Variants in SERBP1 observed in about 807,000 individuals in gnomAD.
The protein encoded by SERBP1 is SERPINE1 mRNA-binding protein 1.
SERBP1 carries 6 observed loss-of-function variants against 50.2 expected under a neutral mutation model. That is an observed-to-expected ratio of 0.12 (90% CI 0.07 to 0.24). The LOEUF is 0.24. Among genes scored for constraint, SERBP1 ranks in the 10% least tolerant of loss-of-function variants. SERBP1 has a pLI of 1.00. For missense variants in SERBP1, 346 were observed against 524.9 expected, an observed-to-expected ratio of 0.66 and a Z score of 3.33; for synonymous variants, 168 against 182.8, an observed-to-expected ratio of 0.92 and a Z score of 0.65.
At position 67,408,251 on chromosome 1, in the gene SERBP1, C is replaced by A. The variant is rs147615002; in HGVS notation, c.*4956G>T. The A allele has an allele frequency of 6.6e-6, 1 of 152,090 alleles. No homozygotes were observed. The highest frequency in any genetic ancestry group is 1.5e-5 in the Non-Finnish European group (1 of 68,018). 9.4% of individuals were successfully genotyped at this position (152,090 alleles called of 1,614,324 possible). ...AGATTTCTAAAAGTCCATAATGAAT[C>A]AGAACTCAGATACAAAGTTACCACC... On this transcript the variant is annotated 3_prime_UTR_variant, in exon 8 of 8. Coordinates refer to ENST00000361219, the MANE Select transcript of SERBP1 (RefSeq NM_001018069.2).
intron 6 of SERBP1, among the ~76,000 whole-genome samples, chr1:67,416,900 G>T (rs1206193452): frequency 6.6e-6 from 1 of 152,178 alleles, no homozygotes; most frequent in Non-Finnish European, 1.5e-5. Flanking sequence ...TCAAACCAAT[G>T]CTTTCAATTT....
In SERBP1 at chr1:67,415,419, A is replaced by T. The variant is rs1666972689; in HGVS notation, c.952-80T>A. Reference sequence around the variant, plus strand: ...ATTTCTAAATAATGAGCTTTCTTCTAAAAAAAACCAAAAATCCAAACTGTA... The same window carrying T: ...ATTTCTAAATAATGAGCTTTCTTCTTAAAAAAACCAAAAATCCAAACTGTA... On this transcript the variant is annotated intron_variant, in intron 6 of 7. Transcript: ENST00000361219. 7.5e-6 allele frequency: 10 copies of T among 1,336,004 alleles called. No individual in the cohort carries two copies. The South Asian group carries it at 8.5e-5, about 11-fold the overall frequency. 82.8% of individuals were successfully genotyped at this position (1,336,004 alleles called of 1,614,324 possible).
rs956614396 is a variant in SERBP1 at position 67,426,416 on chromosome 1, A to G, written c.314-131T>C. The stretch of plus-strand genomic sequence containing the variant: ...GTTGGAAAAAAGCAAACACTGGGCA[A>G]CTCTAATGTGTAACAAAGTACCTTA... On this transcript the variant is annotated intron_variant, in intron 1 of 7. Transcript: ENST00000361219. 8.8e-6 allele frequency: 7 copies of G among 793,290 alleles called. No homozygotes were observed. In the African/African-American group the frequency reaches 1.1e-4, roughly 12 times the overall value. 49.1% of individuals were successfully genotyped at this position (793,290 alleles called of 1,614,324 possible). A position where few individuals can be genotyped will look rare whatever the true frequency, so the allele number is the denominator to read the frequency against.
At chr1:67,420,934 C>T (rs953266813) in intron 5 of SERBP1, among the ~76,000 whole-genome samples, 2 of 152,130 alleles carry the variant, frequency 1.3e-5, no homozygotes, top group African/African-American at 4.8e-5. Context: ...AAAGCACAGG[C>T]CTAAGGATCC....
At chr1:67,417,977 T>C (rs1291705174) in intron 6 of SERBP1, among the ~76,000 whole-genome samples, 1 of 137,648 alleles carries the variant, frequency 7.3e-6, no homozygotes, top group African/African-American at 2.7e-5. Flanking sequence ...TGTTGTTTTT[T>C]TTTTTTTTTT....
chr1:67,422,340 C>T (rs1276523829), intron 5 of SERBP1, among the ~76,000 whole-genome samples: 1 of 151,714 alleles, frequency 6.6e-6, no homozygotes, highest in Admixed American at 6.6e-5. Flanking sequence ...TGGAGAAACC[C>T]ATCTCTACTA....
intron 1 of SERBP1, among the ~76,000 whole-genome samples, chr1:67,427,862 ATTC>A (rs1457167204): frequency 2.0e-5 from 3 of 152,240 alleles, no homozygotes; most frequent in Non-Finnish European, 2.9e-5. Context: ...CAAGGCATTC[ATTC>A]TTTTTTAGAA....
Position 67,410,144 on chromosome 1 carries a change from A to G in SERBP1, c.*3063T>C, listed in dbSNP as rs1666779963. On this transcript the variant is annotated 3_prime_UTR_variant, in exon 8 of 8. Coordinates refer to ENST00000361219, the MANE Select transcript of SERBP1 (RefSeq NM_001018069.2). ...CTTACCTCTAAGGTCAACATCAGTTAGGTTCTAGTAACTTCCTATTTCTCA... is the reference window on the plus strand; with the variant it reads ...CTTACCTCTAAGGTCAACATCAGTTGGGTTCTAGTAACTTCCTATTTCTCA... 6.6e-6 allele frequency: 1 copy of G among 152,222 alleles called. No individual in the cohort carries two copies. Among genetic ancestry groups the G allele is most frequent in the Non-Finnish European group, 1.5e-5 (1 of 68,044 alleles). The allele number at this position is 152,222 out of a possible 1,614,324, so 9.4% of individuals were successfully genotyped here. A position where few individuals can be genotyped will look rare whatever the true frequency, so the allele number is the denominator to read the frequency against.
chr1:67,412,229 G>C lies in SERBP1; in HGVS notation c.*978C>G, dbSNP rs953716259. 13 of 152,576 alleles carry C rather than the reference G, an allele frequency of 8.5e-5. No individual in the cohort carries two copies. The highest frequency in any genetic ancestry group is 1.2e-4 in the African/African-American group (5 of 41,422). 9.5% of individuals were successfully genotyped at this position (152,576 alleles called of 1,614,324 possible). ...ATTATGGATGTACCATTTTGATTTT[G>C]GGACCTTTCACACACAGAAATCATA... On this transcript the variant is annotated 3_prime_UTR_variant, in exon 8 of 8. Transcript: ENST00000361219.
At chr1:67,415,740 T>C (rs1480353626) in intron 6 of SERBP1, among the ~76,000 whole-genome samples, 1 of 152,158 alleles carries the variant, frequency 6.6e-6, no homozygotes, top group Non-Finnish European at 1.5e-5. Context: ...AGAGATGACA[T>C]ATAAGGTTAC....
At chr1:67,416,179 A>AT (rs1261708924) in intron 6 of SERBP1, among the ~76,000 whole-genome samples, 3 of 151,946 alleles carry the variant, frequency 2.0e-5, no homozygotes, top group Admixed American at 1.3e-4. Context: ...CACCTGGCTA[A>AT]TTTTTTTGTA....
In SERBP1 at chr1:67,424,892, A is replaced by C; in HGVS notation, c.691T>G (p.Leu231Val). The stretch of plus-strand genomic sequence containing the variant: ...TAAGAAAATCAGAATACCAACGTTA[A>C]TTCGTCTTTGACAGTTCCCCAGTTG... ...SHNWGTVKDE[L>V]TDLDQSNVTE... The change falls in exon 4 of 8, where the codon TTA becomes GTA. Residue 231 changes from leucine to valine, a missense_variant. Physicochemically the swap from Leu to Val is conservative, Grantham distance 32. This residue lies in a region of SERBP1 where 257 missense variants were observed against 331.2 expected (regional missense o/e 0.78). Coordinates refer to ENST00000361219, the MANE Select transcript of SERBP1 (RefSeq NM_001018069.2). The C allele has an allele frequency of 6.2e-7, 1 of 1,611,340 alleles. No individual in the cohort carries two copies. Among genetic ancestry groups the C allele is most frequent in the African/African-American group, 1.3e-5 (1 of 74,936 alleles).
chr1:67,430,401 AG>A lies in SERBP1; in HGVS notation c.-102del, dbSNP rs748810573. ...TCCCACAAGATGGCCGGGCCGAGAG[AG>A]GGGGGCCGTCTTCTCTTCCGGCGCC... On this transcript the variant is annotated 5_prime_UTR_variant, in exon 1 of 8. Transcript: ENST00000361219. 3.1e-6 allele frequency: 4 copies of A among 1,280,782 alleles called. No individual in the cohort carries two copies. Among genetic ancestry groups the A allele is most frequent in the East Asian group, 2.5e-5 (1 of 39,542 alleles). 79.3% of individuals were successfully genotyped at this position (1,280,782 alleles called of 1,614,324 possible).
intron 5 of SERBP1, among the ~76,000 whole-genome samples, chr1:67,420,969 G>A (rs943374325): frequency 4.6e-5 from 7 of 152,130 alleles, no homozygotes; most frequent in African/African-American, 1.7e-4. Flanking sequence ...ATCTCAATCT[G>A]CAATTGTCAC....
chr1:67,410,879 A>G lies in SERBP1; in HGVS notation c.*2328T>C, dbSNP rs765745791. ...CCCAATTAAGTCATTAGTCATTAAG[A>G]TAAGTACCCTTCCCAAATGTGATTC... On this transcript the variant is annotated 3_prime_UTR_variant, in exon 8 of 8. Transcript: ENST00000361219. 2 of 152,162 alleles carry G rather than the reference A, an allele frequency of 1.3e-5. No individual in the cohort carries two copies. Among genetic ancestry groups the G allele is most frequent in the Non-Finnish European group, 2.9e-5 (2 of 68,002 alleles). The allele number at this position is 152,162 out of a possible 1,614,324, so 9.4% of individuals were successfully genotyped here.
At chr1:67,418,132 C>T (rs982708062) in intron 6 of SERBP1, among the ~76,000 whole-genome samples, 2 of 148,048 alleles carry the variant, frequency 1.4e-5, no homozygotes, top group African/African-American at 5.0e-5. Flanking sequence ...TGCACCACCA[C>T]ACCAGGCTAA....
At position 67,422,570 on chromosome 1, in the gene SERBP1, T is replaced by G. The variant is rs951496630; in HGVS notation, c.773+1630A>C. Among the ~76,000 whole-genome samples the G allele has an allele frequency of 4.1e-5, 6 of 147,218 alleles. No homozygotes were observed. The East Asian group carries it at 9.9e-4, about 24-fold the overall frequency. On this transcript the variant is annotated intron_variant, in intron 5 of 7. Transcript: ENST00000361219. Reference sequence around the variant, plus strand: ...ACATCTGCCCCTCCCACCCCCCAACTAACTTGAATATGCTTCTGGTTAGGA... The same window carrying G: ...ACATCTGCCCCTCCCACCCCCCAACGAACTTGAATATGCTTCTGGTTAGGA...
At chr1:67,423,692 CTA>C (rs1042985971) in intron 5 of SERBP1, among the ~76,000 whole-genome samples, 1 of 151,834 alleles carries the variant, frequency 6.6e-6, no homozygotes, top group Admixed American at 6.6e-5. Context: ...GCCAGTAATG[CTA>C]TGTTCCAAAT....
chr1:67,426,153 C>A lies in SERBP1; in HGVS notation c.446G>T (p.Gly149Val), dbSNP rs747578456. 15 of 1,604,112 alleles carry A rather than the reference C, an allele frequency of 9.4e-6. No homozygotes were observed. The highest frequency in any genetic ancestry group is 1.1e-5 in the South Asian group (1 of 89,486). ...EKPLEEKGEG[G>V]EFSVDRPIID... ...AACTTACCTATCAACTGAAAATTCGCCTCCTTCACCCTTTTCTTCAAGTGG... is the reference window on the plus strand; with the variant it reads ...AACTTACCTATCAACTGAAAATTCGACTCCTTCACCCTTTTCTTCAAGTGG... The change falls in exon 2 of 8, where the codon GGC becomes GTC. Residue 149 changes from glycine (G) to valine (V), a missense_variant. Physicochemically the swap from Gly to Val is moderately radical, Grantham distance 109 (BLOSUM62 -3). Transcript: ENST00000361219.
Sources: allele counts gnomAD v4.1 joint callset (sites outside exome capture counted in the v4.1 genomes callset), GRCh38; gene constraint gnomAD v4.1.1; regional missense constraint gnomAD v4.1.1; transcripts MANE v1.5; gene names NCBI Gene and HGNC (gene_info 2026-07-23, HGNC 2026-07-21).